The following ZDHHC21 variants were observed in gnomAD, a reference collection of about 807,000 sequenced individuals.
The protein encoded by ZDHHC21 is zDHHC palmitoyltransferase 21.
ZDHHC21 carries 15 observed loss-of-function variants against 34.6 expected under a neutral mutation model. The observed-to-expected ratio is 0.43, with a 90% confidence interval of 0.29 to 0.67. ZDHHC21 has a LOEUF of 0.67. Among genes scored for constraint, ZDHHC21 ranks in the 30% least tolerant of loss-of-function variants. ZDHHC21 has a pLI of 0.14. For synonymous variants in ZDHHC21, 142 were observed against 101.8 expected (o/e 1.40, Z -2.38); for missense variants, 344 against 327.7 (o/e 1.05, Z -0.38).
intron 3 of ZDHHC21, among the ~76,000 whole-genome samples, chr9:14,677,676 A>G (rs2131574738): frequency 6.6e-6 from 1 of 152,230 alleles, no homozygotes; most frequent in South Asian, 2.1e-4. Context: ...GCTATCTGGT[A>G]ACTATAGTTG....
chr9:14,622,558 T>C (rs76445557), intron 8 of ZDHHC21: 53,619 of 985,184 alleles, frequency 0.054, 1,605 homozygotes, highest in South Asian at 0.1. Flanking sequence ...CCCAGTCCTC[T>C]TGGCATAGAG....
chr9:14,590,805 A>T, the ZDHHC21 span, among the ~76,000 whole-genome samples: 1 of 152,288 alleles, frequency 6.6e-6, no homozygotes, highest in African/African-American at 2.4e-5. Context: ...CTACAAAAGG[A>T]ACGAAGAGCA....
the ZDHHC21 span, among the ~76,000 whole-genome samples, chr9:14,590,762 A>G: frequency 6.6e-6 from 1 of 152,176 alleles, no homozygotes; most frequent in Admixed American, 6.5e-5. Context: ...ATTCTCAGAC[A>G]GAAGGATAAA....
At chr9:14,683,649 T>C (rs1476805387) in intron 2 of ZDHHC21, 8 of 152,366 alleles carry the variant, frequency 5.3e-5, no homozygotes, top group Non-Finnish European at 2.9e-5. Flanking sequence ...CCATTCCTTC[T>C]GAAGCTATTC....
intron 5 of ZDHHC21, among the ~76,000 whole-genome samples, chr9:14,664,586 C>G (rs1834051113): frequency 6.6e-6 from 1 of 150,528 alleles, no homozygotes; most frequent in Admixed American, 6.7e-5. Context: ...ACAGCAGTAA[C>G]CTCCACAGAC....
chr9:14,639,692 G>C (rs1828982926), intron 8 of ZDHHC21, among the ~76,000 whole-genome samples: 1 of 152,014 alleles, frequency 6.6e-6, no homozygotes, highest in African/African-American at 2.4e-5. Flanking sequence ...CACTGTATTT[G>C]TTAGCTTTTA....
intron 8 of ZDHHC21, among the ~76,000 whole-genome samples, chr9:14,636,602 A>G (rs1023005767): frequency 2.6e-5 from 4 of 152,200 alleles, no homozygotes; most frequent in Non-Finnish European, 4.4e-5. Context: ...TACAGAATAC[A>G]CATTGTTCTC....
intron 2 of ZDHHC21, among the ~76,000 whole-genome samples, chr9:14,684,164 C>T (rs973417369): frequency 2.0e-5 from 3 of 151,060 alleles, no homozygotes; most frequent in Admixed American, 6.6e-5. Context: ...CCCTCTCTCA[C>T]CACTCCTATT....
chr9:14,623,635 C>A (rs1349097589), intron 8 of ZDHHC21, among the ~76,000 whole-genome samples: 5 of 95,170 alleles, frequency 5.3e-5, no homozygotes, highest in South Asian at 4.0e-4. Context: ...GGAACACAAA[C>A]AACTCAACAG....
the ZDHHC21 span, among the ~76,000 whole-genome samples, chr9:14,605,633 T>C: frequency 4.6e-5 from 7 of 152,320 alleles, no homozygotes; most frequent in East Asian, 7.7e-4. Context: ...TCCCATTCGA[T>C]AGACTGCCAT....
chr9:14,610,465 C>A (rs936615572), downstream of ZDHHC21, among the ~76,000 whole-genome samples: 1 of 151,892 alleles, frequency 6.6e-6, no homozygotes, highest in East Asian at 1.9e-4. Context: ...TATCACTAAT[C>A]TAGAATATTT....
At position 14,640,302 on chromosome 9, in the gene ZDHHC21, T is replaced by C. The variant is rs116789563; in HGVS notation, c.505-290A>G. ...AGCCTTGTTTGTTTTTTGAACCTAT[T>C]TTGGGGAAAAAAAAAAAAAAAAAGA... On this transcript the variant is annotated intron_variant, in intron 7 of 9. Coordinates refer to ENST00000380916, the MANE Select transcript of ZDHHC21 (RefSeq NM_178566.6). Among the ~76,000 whole-genome samples the C allele has an allele frequency of 0.014, 1,092 of 80,672 alleles. 7 individuals are homozygous for C. The highest frequency in any genetic ancestry group is 0.025 in the Non-Finnish European group (828 of 33,390). The allele number at this position is 80,672 out of a possible 152,430, so 52.9% of individuals were successfully genotyped here.
chr9:14,615,278 T>C lies in ZDHHC21; in HGVS notation c.*3688A>G, dbSNP rs1255166868. Reference sequence around the variant, plus strand: ...CACTAGTTACTTGTATGGGAGTGACTTGAATGTGTAACAAAGAATAGTTAT... The same window carrying C: ...CACTAGTTACTTGTATGGGAGTGACCTGAATGTGTAACAAAGAATAGTTAT... On this transcript the variant is annotated 3_prime_UTR_variant, in exon 10 of 10. Coordinates refer to ENST00000380916, the MANE Select transcript of ZDHHC21 (RefSeq NM_178566.6). The C allele has an allele frequency of 3.3e-5, 5 of 151,680 alleles. No individual in the cohort carries two copies. The highest frequency in any genetic ancestry group is 2.6e-4 in the Admixed American group (4 of 15,184). 9.4% of individuals were successfully genotyped at this position (151,680 alleles called of 1,614,324 possible). A position where few individuals can be genotyped will look rare whatever the true frequency, so the allele number is the denominator to read the frequency against.
downstream of ZDHHC21, among the ~76,000 whole-genome samples, chr9:14,610,460 C>T (rs926546312): frequency 6.6e-6 from 1 of 151,912 alleles, no homozygotes; most frequent in African/African-American, 2.4e-5. Flanking sequence ...TAATTTATCA[C>T]TAATCTAGAA....
intron 8 of ZDHHC21, among the ~76,000 whole-genome samples, chr9:14,626,731 T>C (rs894539089): frequency 1.5e-4 from 23 of 151,964 alleles, no homozygotes; most frequent in African/African-American, 5.1e-4. Flanking sequence ...AACCTAGTTT[T>C]TTATAAACTT....
chr9:14,685,934 TC>T (rs1838239759), intron 2 of ZDHHC21, among the ~76,000 whole-genome samples: 2 of 152,042 alleles, frequency 1.3e-5, no homozygotes, highest in Non-Finnish European at 2.9e-5. Context: ...AAACCATCAT[TC>T]TCAGCAAACT....
chr9:14,596,113 T>C, the ZDHHC21 span, among the ~76,000 whole-genome samples: 2 of 152,242 alleles, frequency 1.3e-5, no homozygotes, highest in Non-Finnish European at 2.9e-5. Context: ...CAAAGACTTG[T>C]ATGTGAATGT....
chr9:14,643,185 T>C (rs1393646069), intron 7 of ZDHHC21, among the ~76,000 whole-genome samples: 2 of 151,846 alleles, frequency 1.3e-5, no homozygotes, highest in African/African-American at 2.4e-5. Context: ...CAGGTGGAGG[T>C]TGCAGTGAGC....
the ZDHHC21 span, among the ~76,000 whole-genome samples, chr9:14,606,018 G>A: frequency 6.6e-6 from 1 of 151,982 alleles, no homozygotes; most frequent in African/African-American, 2.4e-5. Flanking sequence ...GAAAAATGAA[G>A]GAAAATACAT....
Sources: allele counts gnomAD v4.1 joint callset (sites outside exome capture counted in the v4.1 genomes callset), GRCh38; gene constraint gnomAD v4.1.1; transcripts MANE v1.5; gene names NCBI Gene and HGNC (gene_info 2026-07-23, HGNC 2026-07-21).